The following RPL28 variants were observed in gnomAD, a reference collection of about 807,000 sequenced individuals.
RPL28 encodes the protein ribosomal protein L28, also known as large ribosomal subunit protein eL28.
A neutral mutation model predicts 12.5 loss-of-function variants in RPL28; 4 were observed. The observed-to-expected ratio is 0.32, with a 90% CI of 0.16 to 0.73. RPL28 has a LOEUF of 0.73. Among genes scored for constraint, RPL28 ranks in the 30% least tolerant of loss-of-function variants. RPL28 has a pLI of 0.66. For synonymous variants in RPL28, 91 were observed against 72.5 expected, an observed-to-expected ratio of 1.26 and a Z score of -1.30; for missense variants, 214 against 197.7, an observed-to-expected ratio of 1.08 and a Z score of -0.49.
chr19:55,392,337 T>C (rs148635383), downstream of RPL28, among the ~76,000 whole-genome samples: 35 of 152,156 alleles, frequency 2.3e-4, no homozygotes, highest in Middle Eastern at 3.4e-3. Context: ...GCACTCTCAA[T>C]TGTCCCGCCT....
chr19:55,401,583 G>A (rs775011541), intron 4 of RPL28: 11 of 1,609,296 alleles, frequency 6.8e-6, no homozygotes, highest in South Asian at 1.1e-5. Flanking sequence ...AAGCTTCAGT[G>A]CCACTGGCCA....
intron 1 of RPL28, 98 bp downstream of exon 1, chr19:55,386,063 A>T (rs993686980): frequency 7.4e-6 from 3 of 403,974 alleles, no homozygotes; most frequent in East Asian, 4.8e-5. Context: ...CTCAAGGGTC[A>T]TTGGCGGACC....
In RPL28 at chr19:55,390,013, C is replaced by T. The variant is rs2089975447; in HGVS notation, c.*1681C>T. The T allele has an allele frequency of 1.6e-5, 16 of 985,472 alleles. No homozygotes were observed. The highest frequency in any genetic ancestry group is 1.9e-5 in the Non-Finnish European group (16 of 829,948). The allele number at this position is 985,472 out of a possible 1,614,324, so 61.0% of individuals were successfully genotyped here. ...AGTAGATGGCCCCTTCTCGTGAGGC[C>T]TCTCCCCTGGCACCTGCTTCAGTTG... is the stretch of plus-strand genomic sequence containing the variant. On this transcript the variant is annotated 3_prime_UTR_variant, in exon 5 of 5. Coordinates refer to ENST00000344063, the MANE Select transcript of RPL28 (RefSeq NM_000991.5).
At chr19:55,396,503 C>CTTGTTT (rs2090023787), downstream of RPL28, among the ~76,000 whole-genome samples, 1 of 4,310 alleles carries the variant, frequency 2.3e-4, no homozygotes, top group Admixed American at 1.2e-3. Flanking sequence ...CACCCCTCCC[C>CTTGTTT]TCCCCTCCCC....
intron 4 of RPL28, chr19:55,401,624 G>A (rs778875694): frequency 2.5e-6 from 4 of 1,605,210 alleles, no homozygotes; most frequent in Non-Finnish European, 1.7e-6. Flanking sequence ...CTGCCGCTGG[G>A]CCCGCCGGCG....
At chr19:55,387,501 C>T (rs2089943907) in intron 3 of RPL28, 1 of 1,452,512 alleles carries the variant, frequency 6.9e-7, no homozygotes, top group East Asian at 2.5e-5. Context: ...GTGGCCCTTC[C>T]TAGACTAAGG....
rs2089984576 is a variant in RPL28 at position 55,390,939 on chromosome 19, T to C, written c.*2607T>C. ...TCCAGCTTTATTCACACAAATCATG[T>C]CTGTTGGCCTGGAAATTGGAAAACC... On this transcript the variant is annotated 3_prime_UTR_variant, in exon 5 of 5. Transcript: ENST00000344063. 1 of 985,312 alleles carries C rather than the reference T, an allele frequency of 1.0e-6. No individual in the cohort carries two copies. The highest frequency in any genetic ancestry group is 1.7e-5 in the African/African-American group (1 of 57,224). The allele number at this position is 985,312 out of a possible 1,614,324, so 61.0% of individuals were successfully genotyped here. A position where few individuals can be genotyped will look rare whatever the true frequency, so the allele number is the denominator to read the frequency against.
In RPL28 at chr19:55,389,048, T is replaced by A; in HGVS notation, c.*716T>A. ...ACTTAGGTCTCATCTCAGTGGCCGC[T>A]CCTGGGCCACCCTGTCACCCAAGCT... On this transcript the variant is annotated 3_prime_UTR_variant, in exon 5 of 5. Transcript: ENST00000344063. 3 of 985,502 alleles carry A rather than the reference T, an allele frequency of 3.0e-6. No individual in the cohort carries two copies. The highest frequency in any genetic ancestry group is 3.6e-6 in the Non-Finnish European group (3 of 829,982). The allele number at this position is 985,502 out of a possible 1,614,324, so 61.0% of individuals were successfully genotyped here.
chr19:55,387,361 C>T (rs1774250991), intron 3 of RPL28: 3 of 1,551,610 alleles, frequency 1.9e-6, no homozygotes, highest in Non-Finnish European at 1.7e-6. Flanking sequence ...GCAACAAACG[C>T]AGTCTGTTGG....
Position 55,390,371 on chromosome 19 carries a change from A to T in RPL28, c.*2039A>T. 1.3e-6 allele frequency: 1 copy of T among 769,562 alleles called. No individual in the cohort carries two copies. The highest frequency in any genetic ancestry group is 1.6e-6 in the Non-Finnish European group (1 of 633,160). The allele number at this position is 769,562 out of a possible 1,614,324, so 47.7% of individuals were successfully genotyped here. On this transcript the variant is annotated 3_prime_UTR_variant, in exon 5 of 5. Transcript: ENST00000344063. ...AGGTGGGTGTCACCACACCCAGCTC[A>T]GTATTGTATTTTTAGCAGAGATGGG...
chr19:55,390,149 G>T lies in RPL28; in HGVS notation c.*1817G>T, dbSNP rs1369319656. 2 of 985,332 alleles carry T rather than the reference G, an allele frequency of 2.0e-6. No individual in the cohort carries two copies. The highest frequency in any genetic ancestry group is 1.7e-5 in the African/African-American group (1 of 57,242). 61.0% of individuals were successfully genotyped at this position (985,332 alleles called of 1,614,324 possible). ...CTAGCACACCAGCATATAATGAGAT[G>T]CTTGATGAATGGTGCATATTGAATG... is the stretch of plus-strand genomic sequence containing the variant. On this transcript the variant is annotated 3_prime_UTR_variant, in exon 5 of 5. Transcript: ENST00000344063.
Position 55,391,389 on chromosome 19 carries a change from C to G in RPL28, c.*3057C>G. 1.6e-6 allele frequency: 2 copies of G among 1,265,940 alleles called. No homozygotes were observed. The highest frequency in any genetic ancestry group is 6.1e-5 in the South Asian group (2 of 32,620). 78.4% of individuals were successfully genotyped at this position (1,265,940 alleles called of 1,614,324 possible). ...ACAGCCCTGCATAAGGCAGGTGTCTCAGTGTTCACTGCTGTCTCTCCAGCT... is the reference window on the plus strand; with the variant it reads ...ACAGCCCTGCATAAGGCAGGTGTCTGAGTGTTCACTGCTGTCTCTCCAGCT... On this transcript the variant is annotated 3_prime_UTR_variant, in exon 5 of 5. Coordinates refer to ENST00000344063, the MANE Select transcript of RPL28 (RefSeq NM_000991.5).
intron 4 of RPL28, chr19:55,401,856 T>TC: frequency 7.4e-7 from 1 of 1,345,324 alleles, no homozygotes; most frequent in South Asian, 1.2e-5. Flanking sequence ...GGCTGTTCCT[T>TC]CTGCTCCCAA....
downstream of RPL28, among the ~76,000 whole-genome samples, chr19:55,393,062 T>C (rs1194723725): frequency 6.6e-6 from 1 of 151,972 alleles, no homozygotes; most frequent in Non-Finnish European, 1.5e-5. Flanking sequence ...CTTGAACACC[T>C]GGCCCTCCCC....
At position 55,389,139 on chromosome 19, in the gene RPL28, T is replaced by C; in HGVS notation, c.*807T>C. ...GCTCCCTAGTGTTTATTACAGCTTG[T>C]GAGGCCAGGAGTTTGAGACCATCCT... On this transcript the variant is annotated 3_prime_UTR_variant, in exon 5 of 5. Transcript: ENST00000344063. 3 of 985,310 alleles carry C rather than the reference T, an allele frequency of 3.0e-6. No homozygotes were observed. The highest frequency in any genetic ancestry group is 3.6e-6 in the Non-Finnish European group (3 of 829,832). 61.0% of individuals were successfully genotyped at this position (985,310 alleles called of 1,614,324 possible). A position where few individuals can be genotyped will look rare whatever the true frequency, so the allele number is the denominator to read the frequency against.
intron 4 of RPL28, chr19:55,400,606 C>CT (rs2090050084): frequency 6.6e-6 from 1 of 152,252 alleles, no homozygotes; most frequent in Non-Finnish European, 1.5e-5. Context: ...GACCCTAGTT[C>CT]TACGAGGACT....
At chr19:55,387,472 T>A in intron 3 of RPL28, 1 of 1,475,436 alleles carries the variant, frequency 6.8e-7, no homozygotes, top group Non-Finnish European at 8.9e-7. Context: ...TTTCACCTCT[T>A]GGATTGCCGA....
intron 4 of RPL28, chr19:55,400,642 G>C (rs953993249): frequency 6.6e-6 from 1 of 152,246 alleles, no homozygotes; most frequent in Non-Finnish European, 1.5e-5. Context: ...CCATGAGCAT[G>C]GAAGAGGACC....
rs2089930368 is a variant in RPL28 at position 55,386,657 on chromosome 19, G to A, written c.169G>A (p.Gly57Ser). Residue 57 changes from glycine to serine, a missense_variant, in exon 3 of 5, where the codon GGC (glycine) becomes AGC (serine). By Grantham distance (56) the Gly-to-Ser change is moderately conservative. Coordinates refer to ENST00000344063, the MANE Select transcript of RPL28 (RefSeq NM_000991.5). ...TGTGGGCGTGGAGCCGGCAGCCGAC[G>A]GCAAAGGTGTCGTGGTGGTCATTAA... ...KTVGVEPAAD[G>S]KGVVVVIKRR... is the part of the protein sequence containing the mutation. 1.9e-6 allele frequency: 3 copies of A among 1,614,038 alleles called. No individual in the cohort carries two copies. Among genetic ancestry groups the A allele is most frequent in the Admixed American group, 1.7e-5 (1 of 60,008 alleles).
Sources: gnomAD v4.1 joint callset for allele counts (sites outside exome capture counted in the v4.1 genomes callset) on GRCh38, gnomAD v4.1.1 for gene constraint, MANE v1.5 for transcripts, NCBI Gene and HGNC (gene_info 2026-07-23, HGNC 2026-07-21) for gene names.